The following PKIB variants were observed in gnomAD, a reference collection of about 807,000 sequenced individuals.
PKIB encodes cAMP-dependent protein kinase inhibitor beta, also known as PKI-beta.
A neutral mutation model predicts 4.5 loss-of-function variants in PKIB; 2 were observed. That is an observed-to-expected ratio of 0.44 (90% CI 0.18 to 1.39). PKIB has a LOEUF of 1.39. Ranked by LOEUF, PKIB falls within the 40% of genes most tolerant of loss-of-function variation. The pLI is 0.27. For missense variants in PKIB, 94 were observed against 92.6 expected (o/e 1.02, Z -0.06); for synonymous variants, 38 against 36.0 (o/e 1.06, Z -0.20).
chr6:122,538,921 G>C (rs545136972), intron 2 of PKIB, among the ~76,000 whole-genome samples: 5 of 152,074 alleles, frequency 3.3e-5, no homozygotes, highest in Admixed American at 2.6e-4. Context: ...GGATTCCTAG[G>C]TATTTTATTC....
chr6:122,698,070 A>G (rs1254401798), intron 3 of PKIB, among the ~76,000 whole-genome samples: 2 of 152,120 alleles, frequency 1.3e-5, no homozygotes, highest in East Asian at 3.9e-4. Flanking sequence ...GAGTGTGCCA[A>G]TTGTGCTGAC....
At chr6:122,549,356 CTT>C (rs1772598386) in intron 2 of PKIB, among the ~76,000 whole-genome samples, 1 of 152,128 alleles carries the variant, frequency 6.6e-6, no homozygotes, top group Non-Finnish European at 1.5e-5. Flanking sequence ...AATTTTTCCT[CTT>C]ATATTTCTTT....
At chr6:122,602,621 A>G (rs548772311) in intron 3 of PKIB, among the ~76,000 whole-genome samples, 2 of 152,276 alleles carry the variant, frequency 1.3e-5, no homozygotes, top group Admixed American at 6.5e-5. Context: ...TCCTGTATCA[A>G]TAGGGTAAGT....
At position 122,559,407 on chromosome 6, in the gene PKIB, A is replaced by G. The variant is rs111393607; in HGVS notation, c.-247-26514A>G. 1.3e-3 allele frequency among the ~76,000 whole-genome samples: 201 copies of G among 151,982 alleles called. 1 individual carries two copies. Among genetic ancestry groups the G allele is most frequent in the African/African-American group, 4.6e-3 (189 of 41,432 alleles). ...TTCTGTTCCATTGGTCTGTGTGCCTATTTCTATCCCAGTATCATGCTGTTT... is the reference window on the plus strand; with the variant it reads ...TTCTGTTCCATTGGTCTGTGTGCCTGTTTCTATCCCAGTATCATGCTGTTT... On this transcript the variant is annotated intron_variant, in intron 2 of 6. Transcript: ENST00000392491.
chr6:122,518,043 C>CT (rs1048680904), intron 2 of PKIB, among the ~76,000 whole-genome samples: 7 of 151,576 alleles, frequency 4.6e-5, no homozygotes, highest in East Asian at 3.9e-4. Context: ...GTGAGCTGCA[C>CT]TTTTTTTTTC....
At chr6:122,671,696 T>C (rs985493499) in intron 2 of PKIB, among the ~76,000 whole-genome samples, 11 of 152,200 alleles carry the variant, frequency 7.2e-5, no homozygotes, top group African/African-American at 2.7e-4. Context: ...ACTTTGATAT[T>C]TTGTTCATCA....
intron 3 of PKIB, among the ~76,000 whole-genome samples, chr6:122,590,971 G>A (rs751588804): frequency 6.6e-6 from 1 of 151,942 alleles, no homozygotes; most frequent in Non-Finnish European, 1.5e-5. Context: ...GGTTTCTTTA[G>A]AATTGCCCTT....
chr6:122,531,464 T>C (rs1777258920), intron 2 of PKIB: 1 of 152,226 alleles, frequency 6.6e-6, no homozygotes, highest in Non-Finnish European at 1.5e-5. Context: ...TAAACTGATT[T>C]ATCAAATCCA....
intron 2 of PKIB, among the ~76,000 whole-genome samples, chr6:122,670,333 G>A (rs538855831): frequency 6.6e-6 from 1 of 152,130 alleles, no homozygotes; most frequent in Admixed American, 6.5e-5. Context: ...CAGCCAGCCA[G>A]CAGTATTCCC....
chr6:122,622,732 T>C (rs1245881970), intron 1 of PKIB, among the ~76,000 whole-genome samples: 1 of 149,082 alleles, frequency 6.7e-6, no homozygotes, highest in African/African-American at 2.4e-5. Flanking sequence ...ACCGGAGAAG[T>C]AGTACAGTCT....
At chr6:122,711,641 A>G (rs4945707) in intron 3 of PKIB, among the ~76,000 whole-genome samples, 150,078 of 152,246 alleles carry the variant, frequency 0.99, 74,003 homozygotes, top group Middle Eastern at 1. Flanking sequence ...ATACTCAAGG[A>G]GGCTACATAG....
chr6:122,566,031 C>T (rs1285424984), intron 2 of PKIB, among the ~76,000 whole-genome samples: 2 of 151,276 alleles, frequency 1.3e-5, no homozygotes, highest in African/African-American at 2.4e-5. Flanking sequence ...TAACAGTTTA[C>T]TACCCCCAAT....
At chr6:122,588,938 T>C (rs1266071963) in intron 3 of PKIB, among the ~76,000 whole-genome samples, 1 of 152,118 alleles carries the variant, frequency 6.6e-6, no homozygotes, top group Non-Finnish European at 1.5e-5. Flanking sequence ...TGCAATGTGT[T>C]TTCCATCAGA....
At chr6:122,703,096 A>G (rs896296622) in intron 3 of PKIB, among the ~76,000 whole-genome samples, 1 of 152,204 alleles carries the variant, frequency 6.6e-6, no homozygotes, top group African/African-American at 2.4e-5. Flanking sequence ...GCTTCAATGT[A>G]TCAGCTCTAT....
chr6:122,507,741 G>T (rs1328466831), intron 2 of PKIB, among the ~76,000 whole-genome samples: 1 of 149,770 alleles, frequency 6.7e-6, no homozygotes, highest in Non-Finnish European at 1.5e-5. Flanking sequence ...ACTGGAAGTT[G>T]TTTTTTTTCT....
intron 2 of PKIB, among the ~76,000 whole-genome samples, chr6:122,531,654 T>C (rs959497176): frequency 6.6e-6 from 1 of 152,248 alleles, no homozygotes; most frequent in East Asian, 1.9e-4. Context: ...TGTCTCCACC[T>C]CCTTCCACTC....
intron 2 of PKIB, among the ~76,000 whole-genome samples, chr6:122,576,291 A>T (rs1773527502): frequency 6.6e-6 from 1 of 150,678 alleles, no homozygotes; most frequent in Non-Finnish European, 1.5e-5. Context: ...CGAGGTCAGG[A>T]GATCAAGACC....
At chr6:122,713,673 C>G (rs1779360729) in intron 3 of PKIB, among the ~76,000 whole-genome samples, 1 of 152,076 alleles carries the variant, frequency 6.6e-6, no homozygotes, top group African/African-American at 2.4e-5. Context: ...ACTTTTAGAG[C>G]CTTTCTGTGC....
At chr6:122,591,714 T>A (rs1774025039) in intron 3 of PKIB, among the ~76,000 whole-genome samples, 1 of 152,006 alleles carries the variant, frequency 6.6e-6, no homozygotes, top group East Asian at 1.9e-4. Context: ...TATTTATTTA[T>A]TATTTTTATT....
Sources: gnomAD v4.1 joint callset for allele counts (sites outside exome capture counted in the v4.1 genomes callset) on GRCh38, gnomAD v4.1.1 for gene constraint, MANE v1.5 for transcripts, NCBI Gene and HGNC (gene_info 2026-07-23, HGNC 2026-07-21) for gene names.